The following SGF29 variants were observed in gnomAD, a reference collection of about 807,000 sequenced individuals.
SGF29 encodes the protein SAGA complex associated factor 29.
A neutral mutation model predicts 38.1 loss-of-function variants in SGF29; 15 were observed. The observed-to-expected ratio is 0.39, with a 90% CI of 0.26 to 0.61. The LOEUF (loss-of-function observed/expected upper bound fraction) is 0.61, where lower values mean the gene tolerates loss of function less well. Among genes scored for constraint, SGF29 ranks in the 20% least tolerant of loss-of-function variants. SGF29 has a pLI of 0.49. For missense variants in SGF29, 184 were observed against 394.6 expected (o/e 0.47, Z 4.52); for synonymous variants, 151 against 160.8 (o/e 0.94, Z 0.46).
chr16:28,564,633 A>G (rs367897762), intron 1 of SGF29, among the ~76,000 whole-genome samples: 1 of 125,114 alleles, frequency 8.0e-6, no homozygotes, highest in African/African-American at 3.0e-5. Context: ...GCATATATAT[A>G]CGTATATATG....
At chr16:28,560,663 A>G (rs1312630388) in intron 1 of SGF29, among the ~76,000 whole-genome samples, 1 of 151,552 alleles carries the variant, frequency 6.6e-6, no homozygotes, top group Non-Finnish European at 1.5e-5. Flanking sequence ...TGTGTTTACA[A>G]AAAAAGGCAA....
intron 2 of SGF29, among the ~76,000 whole-genome samples, chr16:28,583,379 A>G (rs925109534): frequency 2.0e-5 from 3 of 152,168 alleles, no homozygotes; most frequent in African/African-American, 7.2e-5. Context: ...TAGTCTAGCA[A>G]GTATCCCCCC....
Position 28,590,926 on chromosome 16 carries a change from C to T in SGF29, c.756C>T (p.Pro252=), listed in dbSNP as rs1468903109. The change falls in exon 9 of 10, where the codon CCC becomes CCT. Residue 252 remains proline (P), a synonymous_variant. Coordinates refer to ENST00000317058, the MANE Select transcript of SGF29 (RefSeq NM_138414.3). The surrounding 1 kb of genome is among the most constrained non-coding windows in gnomAD (Gnocchi z 8.2). ...TCTACCGCGCCCTGATCCATGCGCCCCCACAGCGGGTAAAGCAGCCTCCAG... is the reference window on the plus strand; with the variant it reads ...TCTACCGCGCCCTGATCCATGCGCCTCCACAGCGGGTAAAGCAGCCTCCAG... ...TCFYRALIHA[P]PQRPQDDYSV... is the part of the protein sequence containing the mutation. The T allele has an allele frequency of 6.2e-7, 1 of 1,609,650 alleles. No homozygotes were observed. The highest frequency in any genetic ancestry group is 8.5e-7 in the Non-Finnish European group (1 of 1,177,882).
chr16:28,579,403 G>C (rs1386529968), intron 1 of SGF29, among the ~76,000 whole-genome samples: 2 of 150,964 alleles, frequency 1.3e-5, no homozygotes, highest in African/African-American at 4.9e-5. Flanking sequence ...GACTACAGGT[G>C]CCCACCACCA....
rs763519681 is a variant in SGF29 at position 28,590,097 on chromosome 16, G to A, written c.291G>A (p.Ala97=). Residue 97 remains alanine, a splice_region_variant and synonymous_variant, in exon 6 of 10, where the codon GCG becomes GCA. Transcript: ENST00000317058. The surrounding 1 kb of genome is among the most constrained non-coding windows in gnomAD (Gnocchi z 8.2). ...TCAGGCCTCCCTTCCTTCCCACAGC[G>A]GCCAAGATTGCCGGTCTCTACAATG... is the stretch of plus-strand genomic sequence containing the variant. ...IKSLLEERRI[A]AKIAGLYNDS... 1.8e-5 allele frequency: 29 copies of A among 1,610,450 alleles called. No individual in the cohort carries two copies. Among genetic ancestry groups the A allele is most frequent in the Middle Eastern group, 1.6e-4 (1 of 6,068 alleles).
At position 28,553,993 on chromosome 16, in the gene SGF29, C is replaced by T. The variant is rs551925776; in HGVS notation, c.-120C>T. 46 of 152,406 alleles carry T rather than the reference C, an allele frequency of 3.0e-4. No homozygotes were observed. Among genetic ancestry groups the T allele is most frequent in the African/African-American group, 1.0e-3 (42 of 41,582 alleles). 9.4% of individuals were successfully genotyped at this position (152,406 alleles called of 1,614,324 possible). On this transcript the variant is annotated 5_prime_UTR_variant, in exon 1 of 10. In the 5' UTR this introduces an upstream ATG that the reference lacks. Transcript: ENST00000317058. ...TCTCGACGTGCCGCCAATCTTCGAA[C>T]GCAGGTCTGTGATCATCCGCAGACT... is the stretch of plus-strand genomic sequence containing the variant.
chr16:28,561,470 T>C (rs192495350), intron 1 of SGF29, among the ~76,000 whole-genome samples: 26 of 151,454 alleles, frequency 1.7e-4, no homozygotes, highest in African/African-American at 6.3e-4. Context: ...GAGGTGGAGA[T>C]TGCAGTGAGC....
chr16:28,589,965 C>G, intron 5 of SGF29, 131 bp from the exon 6 acceptor site: 1 of 1,312,156 alleles, frequency 7.6e-7, no homozygotes, highest in Non-Finnish European at 1.0e-6. Context: ...GGGTCACAGT[C>G]CTGCTGGGCC....
At chr16:28,555,806 T>C (rs931133687) in intron 1 of SGF29, among the ~76,000 whole-genome samples, 43 of 152,236 alleles carry the variant, frequency 2.8e-4, no homozygotes, top group African/African-American at 1.0e-3. Flanking sequence ...ATCATTTTAC[T>C]GGTGATACTT....
rs770851630 is a variant in SGF29, at chr16:28,589,107, C to A, written c.232C>A (p.Arg78=). The A allele has an allele frequency of 5.6e-6, 9 of 1,614,164 alleles. No individual in the cohort carries two copies. In the East Asian group the frequency reaches 2.0e-4, roughly 36 times the overall value. The change falls in exon 5 of 10, where the codon CGG becomes AGG. Residue 78 remains arginine (R), a synonymous_variant. Transcript: ENST00000317058. ...ADAEAECNIL[R]KALDKIAEIK... ...CCTTCTCCCCGCCCTCAGCATCCTT[C>A]GGAAAGCTCTGGACAAGATCGCGGA...
At chr16:28,564,519 A>G (rs544322928) in intron 1 of SGF29, among the ~76,000 whole-genome samples, 89 of 119,964 alleles carry the variant, frequency 7.4e-4, no homozygotes, top group African/African-American at 2.3e-3. Flanking sequence ...GTATATATAT[A>G]TGTGTGTGTA....
chr16:28,568,710 C>T (rs139102754), intron 1 of SGF29, among the ~76,000 whole-genome samples: 5,528 of 152,060 alleles, frequency 0.036, 219 homozygotes, highest in East Asian at 0.21. Context: ...GTCAAGAGAT[C>T]GAGACCATCC....
chr16:28,583,286 G>T (rs995769244), intron 2 of SGF29, among the ~76,000 whole-genome samples: 1 of 152,160 alleles, frequency 6.6e-6, no homozygotes, highest in African/African-American at 2.4e-5. Context: ...TTTGTGATTG[G>T]TTTTCACCCA....
intron 1 of SGF29, among the ~76,000 whole-genome samples, chr16:28,580,093 T>C (rs1285836182): frequency 6.6e-6 from 1 of 152,160 alleles, no homozygotes; most frequent in East Asian, 1.9e-4. Context: ...TTTGAATCAT[T>C]TGTCAGGATA....
chr16:28,570,788 G>A (rs2046860588), intron 1 of SGF29, among the ~76,000 whole-genome samples: 1 of 151,932 alleles, frequency 6.6e-6, no homozygotes, highest in Admixed American at 6.6e-5. Flanking sequence ...ATGTTGGCCA[G>A]GCTGGTCTTG....
intron 4 of SGF29, among the ~76,000 whole-genome samples, chr16:28,586,148 C>T (rs1020260379): frequency 3.3e-5 from 5 of 151,698 alleles, no homozygotes; most frequent in Admixed American, 3.3e-4. Context: ...ATTAGCTGAG[C>T]GTGGTGGCAT....
At chr16:28,561,228 C>CA (rs1567284689) in intron 1 of SGF29, among the ~76,000 whole-genome samples, 1 of 151,280 alleles carries the variant, frequency 6.6e-6, no homozygotes, top group African/African-American at 2.4e-5. Flanking sequence ...CCCATCTCTA[C>CA]AAAAAGTTTA....
At chr16:28,567,205 G>A (rs1401924562) in intron 1 of SGF29, among the ~76,000 whole-genome samples, 1 of 152,162 alleles carries the variant, frequency 6.6e-6, no homozygotes, top group Non-Finnish European at 1.5e-5. Context: ...GTAATTTGGG[G>A]TCTTTTCTGG....
chr16:28,583,136 G>C (rs755356154), intron 2 of SGF29, among the ~76,000 whole-genome samples: 1 of 152,202 alleles, frequency 6.6e-6, no homozygotes, highest in Non-Finnish European at 1.5e-5. Flanking sequence ...CGCCCTTTCA[G>C]GCACCCAGTG....
Sources: gnomAD v4.1 joint callset for allele counts (sites outside exome capture counted in the v4.1 genomes callset) on GRCh38, gnomAD v4.1.1 for gene constraint, Gnocchi (gnomAD v3.1) non-coding constraint, MANE v1.5 for transcripts, NCBI Gene and HGNC (gene_info 2026-07-23, HGNC 2026-07-21) for gene names.